The following TSHZ2 variants were observed in gnomAD, a reference collection of about 807,000 sequenced individuals.
The protein encoded by TSHZ2 is teashirt zinc finger homeobox 2, also known as teashirt homolog 2.
In TSHZ2, 21 loss-of-function variants were observed where a neutral mutation model predicts 74.4. The ratio of observed to expected loss-of-function variants is 0.28; its 90% CI spans 0.20 to 0.41. The LOEUF is 0.41. TSHZ2 is among the 10% of genes least tolerant of loss of function. The pLI, the probability that TSHZ2 is intolerant of heterozygous loss-of-function variation, is 1.00. For missense variants in TSHZ2, 1,244 were observed against 1,293.5 expected, an observed-to-expected ratio of 0.96 and a Z score of 0.59; for synonymous variants, 540 against 515.3, an observed-to-expected ratio of 1.05 and a Z score of -0.65.
intron 1 of TSHZ2, among the ~76,000 whole-genome samples, chr20:53,081,198 A>G (rs1381487468): frequency 6.6e-6 from 1 of 151,656 alleles, no homozygotes; most frequent in African/African-American, 2.4e-5. Context: ...TTATTATCTT[A>G]TTATTTTTTA....
intron 1 of TSHZ2, among the ~76,000 whole-genome samples, chr20:53,014,063 T>C (rs1171591319): frequency 6.6e-6 from 1 of 152,128 alleles, no homozygotes; most frequent in Non-Finnish European, 1.5e-5. Flanking sequence ...ACTGGGTGGG[T>C]GGCTTAAATG....
intron 1 of TSHZ2, among the ~76,000 whole-genome samples, chr20:53,096,126 GTTTT>G (rs1376346810): frequency 2.2e-4 from 34 of 152,082 alleles, no homozygotes; most frequent in Non-Finnish European, 1.5e-5. Context: ...ACACCTCTGT[GTTTT>G]TTGTTTGTCT....
intron 1 of TSHZ2, among the ~76,000 whole-genome samples, chr20:52,986,227 T>C (rs1981750757): frequency 6.7e-6 from 1 of 149,058 alleles, no homozygotes; most frequent in African/African-American, 2.5e-5. Flanking sequence ...CCGTCTCTAC[T>C]AAAAATACAG....
At chr20:53,391,299 A>C (rs953852040) in intron 2 of TSHZ2, among the ~76,000 whole-genome samples, 4 of 152,036 alleles carry the variant, frequency 2.6e-5, no homozygotes, top group African/African-American at 9.7e-5. Flanking sequence ...GGCACCCGCC[A>C]CCACATCCAG....
intron 2 of TSHZ2, among the ~76,000 whole-genome samples, chr20:53,455,959 A>G (rs1985057512): frequency 6.6e-6 from 1 of 151,564 alleles, no homozygotes; most frequent in African/African-American, 2.4e-5. Context: ...CCAGTCTATC[A>G]TTGTTGGACA....
intron 1 of TSHZ2, among the ~76,000 whole-genome samples, chr20:53,164,902 C>T (rs1291707091): frequency 6.6e-6 from 1 of 152,174 alleles, no homozygotes; most frequent in African/African-American, 2.4e-5. Flanking sequence ...AAAGGACACG[C>T]TTAGAGGGAC....
chr20:53,155,452 TC>T (rs1384960591), intron 1 of TSHZ2, among the ~76,000 whole-genome samples: 1 of 151,720 alleles, frequency 6.6e-6, no homozygotes, highest in Non-Finnish European at 1.5e-5. Flanking sequence ...CACCTGCCCA[TC>T]CCCTTTGGGC....
intron 1 of TSHZ2, among the ~76,000 whole-genome samples, chr20:52,979,215 C>A (rs1444672507): frequency 6.6e-6 from 1 of 151,594 alleles, no homozygotes; most frequent in Non-Finnish European, 1.5e-5. Flanking sequence ...ACCTTTCATT[C>A]ACTTGTTTTG....
chr20:53,237,037 C>A (rs1297265701), intron 1 of TSHZ2, among the ~76,000 whole-genome samples: 2 of 152,188 alleles, frequency 1.3e-5, no homozygotes, highest in African/African-American at 2.4e-5. Flanking sequence ...TGTTTGACTT[C>A]TGGAAGCCTA....
intron 2 of TSHZ2, among the ~76,000 whole-genome samples, chr20:53,471,615 C>A (rs1466748854): frequency 6.6e-6 from 1 of 152,062 alleles, no homozygotes; most frequent in East Asian, 1.9e-4. Flanking sequence ...GCTGGCCAAA[C>A]AAAGAGTGGG....
intron 1 of TSHZ2, among the ~76,000 whole-genome samples, chr20:53,159,375 C>T (rs1416147350): frequency 2.6e-5 from 4 of 152,144 alleles, no homozygotes; most frequent in African/African-American, 4.8e-5. Flanking sequence ...TATTTGTTGA[C>T]GTATTGTCTG....
chr20:52,993,930 T>C (rs1391431483), intron 1 of TSHZ2, among the ~76,000 whole-genome samples: 1 of 152,182 alleles, frequency 6.6e-6, no homozygotes, highest in Non-Finnish European at 1.5e-5. Flanking sequence ...GGATGTGAGC[T>C]GGAAACCTTG....
rs1369284093 is a variant in TSHZ2, at chr20:53,460,349, A to AGGCTTCTGC, written c.*9-26794_*9-26786dup. Among the ~76,000 whole-genome samples the AGGCTTCTGC allele has an allele frequency of 6.4e-3, 969 of 152,182 alleles. 16 individuals are homozygous for AGGCTTCTGC. The highest frequency in any genetic ancestry group is 0.021 in the African/African-American group (860 of 41,508). On this transcript the variant is annotated intron_variant, in intron 2 of 2. Coordinates refer to ENST00000371497, the MANE Select transcript of TSHZ2 (RefSeq NM_173485.6). ...TTCCAGTTGATCGCATCGGCTCCTGAGGCTTCTGCATTCTTCACGTAGTTC... is the reference window on the plus strand; with the variant it reads ...TTCCAGTTGATCGCATCGGCTCCTGAGGCTTCTGCGGCTTCTGCATTCTTCACGTAGTTC...
chr20:53,404,123 C>A (rs928223841), intron 2 of TSHZ2, among the ~76,000 whole-genome samples: 2 of 152,074 alleles, frequency 1.3e-5, no homozygotes, highest in Non-Finnish European at 2.9e-5. Context: ...CAAGGATGGC[C>A]TTTTCTTTTT....
At chr20:53,039,868 G>A (rs1002597787) in intron 1 of TSHZ2, among the ~76,000 whole-genome samples, 1 of 151,998 alleles carries the variant, frequency 6.6e-6, no homozygotes, top group African/African-American at 2.4e-5. Context: ...AGCACTTTGG[G>A]AGGCCAAAGT....
At chr20:53,377,436 C>A (rs1243617044) in intron 2 of TSHZ2, among the ~76,000 whole-genome samples, 3 of 152,190 alleles carry the variant, frequency 2.0e-5, no homozygotes, top group Non-Finnish European at 4.4e-5. Context: ...TCTTGTTTAT[C>A]CAGAATCTAT....
At chr20:53,271,197 T>C (rs1990829340) in intron 2 of TSHZ2, among the ~76,000 whole-genome samples, 1 of 152,050 alleles carries the variant, frequency 6.6e-6, no homozygotes, top group African/African-American at 2.4e-5. Flanking sequence ...CTAAGCTCAG[T>C]GGGGAAAAAC....
In TSHZ2 at chr20:53,297,990, C is replaced by G. The variant is rs1991411295; in HGVS notation, c.*8+41419C>G. Reference sequence around the variant, plus strand: ...ATTCTCTCCTTTCCAGGTGGGTGAGCAGGGGAGATAATGTATCCATAAAGG... The same window carrying G: ...ATTCTCTCCTTTCCAGGTGGGTGAGGAGGGGAGATAATGTATCCATAAAGG... On this transcript the variant is annotated intron_variant, in intron 2 of 2. Transcript: ENST00000371497. Among the ~76,000 whole-genome samples the G allele has an allele frequency of 2.6e-5, 4 of 152,248 alleles. No homozygotes were observed. In the South Asian group the frequency reaches 8.3e-4, roughly 32 times the overall value.
At chr20:53,344,929 T>C (rs935557480) in intron 2 of TSHZ2, among the ~76,000 whole-genome samples, 1 of 152,178 alleles carries the variant, frequency 6.6e-6, no homozygotes, top group African/African-American at 2.4e-5. Flanking sequence ...AAAAATAAAA[T>C]ACGTGGGTAG....
Sources: allele counts gnomAD v4.1 joint callset (sites outside exome capture counted in the v4.1 genomes callset), GRCh38; gene constraint gnomAD v4.1.1; transcripts MANE v1.5; gene names NCBI Gene and HGNC (gene_info 2026-07-23, HGNC 2026-07-21).